The following TTC39A variants were observed in gnomAD, a reference collection of about 807,000 sequenced individuals.
The protein encoded by TTC39A is tetratricopeptide repeat protein 39A.
Under a neutral mutation model 82.3 loss-of-function variants are expected in TTC39A, and 46 were observed. That is an observed-to-expected ratio of 0.56 (90% CI 0.44 to 0.71). TTC39A has a LOEUF of 0.71. Ranked by LOEUF, TTC39A falls within the 30% of genes least tolerant of loss-of-function variation. TTC39A has a pLI of 0.00. For missense variants in TTC39A, 543 were observed against 712.9 expected, an observed-to-expected ratio of 0.76 and a Z score of 2.71; for synonymous variants, 254 against 275.2, an observed-to-expected ratio of 0.92 and a Z score of 0.76.
At chr1:51,296,252 G>T in intron 12 of TTC39A, 82 bp from the exon 13 acceptor site, 1 of 1,357,418 alleles carries the variant, frequency 7.4e-7, no homozygotes, top group Non-Finnish European at 1.0e-6. Context: ...CGGACCTCAC[G>T]TGGCCCAGCA....
At chr1:51,318,406 G>A (rs1388936746) in intron 2 of TTC39A, among the ~76,000 whole-genome samples, 2 of 152,162 alleles carry the variant, frequency 1.3e-5, no homozygotes, top group African/African-American at 4.8e-5. Context: ...CTTGCTGCAG[G>A]CCCTGACCCA....
chr1:51,336,322 T>C (rs997477126), upstream of TTC39A, among the ~76,000 whole-genome samples: 2 of 152,044 alleles, frequency 1.3e-5, no homozygotes, highest in Admixed American at 6.5e-5. Flanking sequence ...CCCCGCTAGC[T>C]CTGTGACCTT....
In TTC39A at chr1:51,309,234, C is replaced by G. The variant is rs375644328; in HGVS notation, c.488+27G>C. On this transcript the variant is annotated intron_variant, in intron 6 of 17. Coordinates refer to ENST00000680483, the MANE Select transcript of TTC39A (RefSeq NM_001297663.2). ...CAGATGCTGTGGCCCAGGGTCTCCC[C>G]ACAAGCGGATGGCCAGCCCCACTCA... 8.2e-6 allele frequency: 13 copies of G among 1,587,994 alleles called. No homozygotes were observed. The Admixed American group carries it at 1.0e-4, about 13-fold the overall frequency.
intron 1 of TTC39A, among the ~76,000 whole-genome samples, chr1:51,340,294 G>T (rs1646019041): frequency 6.6e-6 from 1 of 152,196 alleles, no homozygotes; most frequent in African/African-American, 2.4e-5. Context: ...GAGAAGGGCT[G>T]TGTTTGGCAA....
chr1:51,294,410 G>C lies in TTC39A; in HGVS notation c.1247C>G (p.Ser416Trp). The change falls in exon 14 of 18, where the codon TCG becomes TGG. Residue 416 changes from serine (S) to tryptophan (W), a missense_variant. Coordinates refer to ENST00000680483, the MANE Select transcript of TTC39A (RefSeq NM_001297663.2). This position sits in a 1 kb window ranked among gnomAD's most constrained non-coding sequence, Gnocchi z 4.3. ...SRRYFSSNPI[S>W]LPVPALEMMY... is the part of the protein sequence containing the mutation. ...ACCCACCAGAGCAGGCACTGGCAGC[G>C]AGATAGGGTTGGAGGAGAAGTAGCG... 1 of 1,614,028 alleles carries C rather than the reference G, an allele frequency of 6.2e-7. No individual in the cohort carries two copies. Among genetic ancestry groups the C allele is most frequent in the Non-Finnish European group, 8.5e-7 (1 of 1,179,894 alleles).
At chr1:51,331,303 C>T (rs948201658), upstream of TTC39A, 80 of 1,543,472 alleles carry the variant, frequency 5.2e-5, 1 homozygote, top group South Asian at 7.9e-4. Flanking sequence ...CACTGTGCAC[C>T]GAGCCCTGAG....
At chr1:51,323,624 C>T (rs113328905) in intron 1 of TTC39A, among the ~76,000 whole-genome samples, 1 of 152,186 alleles carries the variant, frequency 6.6e-6, no homozygotes, top group Non-Finnish European at 1.5e-5. Context: ...TAATTTCTTT[C>T]ATTTCACCAG....
upstream of TTC39A, among the ~76,000 whole-genome samples, chr1:51,335,684 C>G (rs1045955293): frequency 1.3e-5 from 2 of 151,998 alleles, no homozygotes; most frequent in African/African-American, 2.4e-5. Flanking sequence ...AGGCTTGGAC[C>G]AACATCTAGC....
rs139321660 is a variant in TTC39A, at chr1:51,312,113, C to T, written c.355+6G>A. The T allele has an allele frequency of 6.2e-7, 1 of 1,609,862 alleles. No homozygotes were observed. Among genetic ancestry groups the T allele is most frequent in the East Asian group, 2.2e-5 (1 of 44,824 alleles). On this transcript the variant is annotated splice_donor_region_variant and intron_variant, in intron 4 of 17. Transcript: ENST00000680483. ...CATGGTTGAAAGGATGTCCTGGATG[C>T]CACACCTTCAGTGAATTGGCCCAGC...
chr1:51,338,584 G>A (rs963349123), intron 1 of TTC39A, among the ~76,000 whole-genome samples: 5 of 150,546 alleles, frequency 3.3e-5, no homozygotes, highest in African/African-American at 7.3e-5. Flanking sequence ...CAGCGCTGTC[G>A]AGTGGAGATT....
chr1:51,339,506 A>G (rs1646010536), intron 1 of TTC39A, among the ~76,000 whole-genome samples: 1 of 152,228 alleles, frequency 6.6e-6, no homozygotes, highest in African/African-American at 2.4e-5. Flanking sequence ...GTTGGAAGAC[A>G]CATTGGGCCC....
chr1:51,288,241 G>C lies in TTC39A; in HGVS notation c.1650C>G (p.His550Gln). 6.2e-7 allele frequency: 1 copy of C among 1,614,056 alleles called. No individual in the cohort carries two copies. The highest frequency in any genetic ancestry group is 8.5e-7 in the Non-Finnish European group (1 of 1,179,878). Residue 550 changes from histidine to glutamine, a missense_variant, in exon 18 of 18, where the codon CAC becomes CAG. By Grantham distance (24) the His-to-Gln change is conservative. Transcript: ENST00000680483. The surrounding 1 kb of genome is among the most constrained non-coding windows in gnomAD (Gnocchi z 4.8). Reference sequence around the variant, plus strand: ...GGAGTGTGGCTGCCTGGATTCGAAAGTGTGTCCTTGACTCCATGGAGTAAT... The same window carrying C: ...GGAGTGTGGCTGCCTGGATTCGAAACTGTGTCCTTGACTCCATGGAGTAAT... The part of the protein sequence containing the change: ...YKNYSMESRT[H>Q]FRIQAATLQA...
chr1:51,317,519 C>T (rs1055047752), intron 2 of TTC39A, among the ~76,000 whole-genome samples: 10 of 152,186 alleles, frequency 6.6e-5, no homozygotes, highest in East Asian at 3.9e-4. Flanking sequence ...GAGGCCAAGG[C>T]GGGTGGATCG....
chr1:51,330,795 C>T (rs1645890603), upstream of TTC39A: 4 of 402,856 alleles, frequency 9.9e-6, 1 homozygote, highest in Non-Finnish European at 8.8e-6. The surrounding 1 kb of genome is among the most constrained non-coding windows in gnomAD (Gnocchi z 4.5). Context: ...CCTCCTCACA[C>T]GTCCCCACCT....
Position 51,302,529 on chromosome 1 carries a change from G to A in TTC39A, c.808C>T (p.Pro270Ser). ...NIEEAEKLLK[P>S]YLNRYPKGAI... ...ACCTTAGGGTACCGGTTCAGGTAGG[G>A]CTTCAAGAGCTTCTCGGCCTCCTCG... Residue 270 changes from proline to serine, a missense_variant, in exon 10 of 18, where the codon CCC (proline) becomes TCC (serine). Physicochemically the swap from Pro to Ser is moderately conservative, Grantham distance 74. Transcript: ENST00000680483. The A allele has an allele frequency of 6.2e-7, 1 of 1,608,962 alleles. No individual in the cohort carries two copies. The highest frequency in any genetic ancestry group is 8.5e-7 in the Non-Finnish European group (1 of 1,177,728).
chr1:51,333,639 TC>T (rs1193501565), upstream of TTC39A, among the ~76,000 whole-genome samples: 1 of 152,320 alleles, frequency 6.6e-6, no homozygotes, highest in Non-Finnish European at 1.5e-5. Flanking sequence ...GGTCAGGGGC[TC>T]CCTTTGCACC....
chr1:51,338,849 C>T (rs1326859778), intron 1 of TTC39A, among the ~76,000 whole-genome samples: 2 of 152,170 alleles, frequency 1.3e-5, no homozygotes, highest in East Asian at 1.9e-4. Context: ...GTGATCCACC[C>T]GCCTTGGCCT....
Position 51,295,924 on chromosome 1 carries a change from G to A in TTC39A, c.1145+155C>T, listed in dbSNP as rs1268801321. ...AGCATGGGGTGGTGATGGGAGGGGA[G>A]GACACGCAGGGGGGGCAGTCCGCGG... is the stretch of plus-strand genomic sequence containing the variant. On this transcript the variant is annotated intron_variant, in intron 13 of 17. Transcript: ENST00000680483. The A allele has an allele frequency of 7.0e-6, 5 of 714,588 alleles. No individual in the cohort carries two copies. In the East Asian group the frequency reaches 8.1e-5, roughly 12 times the overall value. The allele number at this position is 714,588 out of a possible 1,614,324, so 44.3% of individuals were successfully genotyped here.
At chr1:51,301,544 A>G (rs536823413) in intron 12 of TTC39A, 28 bp downstream of exon 12, 20 of 1,570,660 alleles carry the variant, frequency 1.3e-5, no homozygotes, top group East Asian at 4.7e-5. Flanking sequence ...TGGTCACCCA[A>G]TGCCCCTAAC....
Sources: allele counts gnomAD v4.1 joint callset (sites outside exome capture counted in the v4.1 genomes callset), GRCh38; gene constraint gnomAD v4.1.1; non-coding constraint Gnocchi (gnomAD v3.1); transcripts MANE v1.5; gene names NCBI Gene and HGNC (gene_info 2026-07-23, HGNC 2026-07-21).